The following SPART variants were observed in gnomAD, a reference collection of about 807,000 sequenced individuals.
SPART encodes spastic paraplegia 20 (Troyer syndrome).
In SPART, 35 loss-of-function variants were observed where a neutral mutation model predicts 58.7. The ratio of observed to expected loss-of-function variants is 0.60; its 90% CI spans 0.46 to 0.79. SPART has a LOEUF of 0.79. Ranked by LOEUF, SPART falls within the 30% of genes least tolerant of loss-of-function variation. The probability of loss-of-function intolerance (pLI) is 0.00; values close to 1 mark genes in which losing one functional copy is unlikely to be tolerated. For missense variants in SPART, 730 were observed against 786.1 expected (o/e 0.93, Z 0.85); for synonymous variants, 284 against 280.7 (o/e 1.01, Z -0.12).
chr13:36,365,649 T>C (rs1334317598), intron 1 of SPART: 12 of 461,122 alleles, frequency 2.6e-5, no homozygotes, highest in South Asian at 1.6e-4. Context: ...TTTTTTGACT[T>C]TGTAAGGGTG....
intron 2 of SPART, among the ~76,000 whole-genome samples, chr13:36,334,734 A>G (rs1883790886): frequency 6.6e-6 from 1 of 152,114 alleles, no homozygotes; most frequent in Non-Finnish European, 1.5e-5. Flanking sequence ...AACTTATTAG[A>G]TTTCTTCTTC....
In SPART at chr13:36,335,279, A is replaced by G. The variant is rs770465973; in HGVS notation, c.552T>C (p.Thr184=). ...CCCCAGAATCTGTTCCATAGGATACAGTGTAGTGACCTTCAGCAGCTTGAG... is the reference window on the plus strand; with the variant it reads ...CCCCAGAATCTGTTCCATAGGATACGGTGTAGTGACCTTCAGCAGCTTGAG... ...YTPQAAEGHY[T]VSYGTDSGEF... Residue 184 remains threonine, a synonymous_variant, in exon 2 of 9, where the codon ACT becomes ACC. Coordinates refer to ENST00000438666, the MANE Select transcript of SPART (RefSeq NM_015087.5). The G allele has an allele frequency of 4.3e-6, 7 of 1,614,060 alleles. No individual in the cohort carries two copies. In the African/African-American group the frequency reaches 8.0e-5, roughly 18 times the overall value.
intron 1 of SPART, among the ~76,000 whole-genome samples, chr13:36,364,815 C>A (rs1885994448): frequency 6.6e-6 from 1 of 152,148 alleles, no homozygotes; most frequent in Non-Finnish European, 1.5e-5. Context: ...CAAGGTCCTC[C>A]TGCCACAGGG....
intron 2 of SPART, among the ~76,000 whole-genome samples, chr13:36,334,053 G>C (rs751011406): frequency 9.2e-5 from 14 of 152,174 alleles, no homozygotes; most frequent in Non-Finnish European, 2.1e-4. Context: ...AATGAATAGA[G>C]ATAAGCTGTG....
At chr13:36,338,147 T>C (rs1884203167) in intron 1 of SPART, among the ~76,000 whole-genome samples, 1 of 152,154 alleles carries the variant, frequency 6.6e-6, no homozygotes, top group African/African-American at 2.4e-5. Context: ...TTGCAACTTA[T>C]CTCCCTTGGA....
At chr13:36,311,666 G>T (rs757880748) in intron 8 of SPART, among the ~76,000 whole-genome samples, 38 of 152,076 alleles carry the variant, frequency 2.5e-4, no homozygotes, top group South Asian at 1.0e-3. Context: ...AAAGTGACAA[G>T]AATTCTGTTA....
chr13:36,318,958 C>G (rs919353820), intron 5 of SPART, among the ~76,000 whole-genome samples: 1 of 152,172 alleles, frequency 6.6e-6, no homozygotes, highest in East Asian at 1.9e-4. Context: ...TAGACCATCA[C>G]GGACGCTGAG....
intron 5 of SPART, among the ~76,000 whole-genome samples, chr13:36,325,495 G>A (rs893777296): frequency 3.3e-5 from 5 of 152,110 alleles, no homozygotes; most frequent in African/African-American, 1.2e-4. Flanking sequence ...GATTTTAGTG[G>A]ACATGGAAAT....
At chr13:36,363,909 A>G (rs1343937647) in intron 1 of SPART, among the ~76,000 whole-genome samples, 2 of 152,192 alleles carry the variant, frequency 1.3e-5, no homozygotes, top group Non-Finnish European at 2.9e-5. Context: ...TACATTATGA[A>G]AATCAGGAAA....
At chr13:36,339,392 T>C (rs971824893) in intron 1 of SPART, among the ~76,000 whole-genome samples, 11 of 151,800 alleles carry the variant, frequency 7.2e-5, no homozygotes, top group Non-Finnish European at 1.3e-4. Context: ...TCTAGAAATA[T>C]GTGAGGCTGA....
At chr13:36,321,730 G>C (rs1358407952) in intron 5 of SPART, among the ~76,000 whole-genome samples, 1 of 152,062 alleles carries the variant, frequency 6.6e-6, no homozygotes, top group Non-Finnish European at 1.5e-5. Context: ...ATTAATATAA[G>C]AAGTCAGGAA....
At position 36,346,009 on chromosome 13, in the gene SPART, G is replaced by C. The variant is rs951378676; in HGVS notation, c.-3+216C>G. On this transcript the variant is annotated intron_variant, in intron 1 of 8. Transcript: ENST00000438666. The stretch of plus-strand genomic sequence containing the variant: ...TTCCCTAAATACCACACTCCCGCGA[G>C]AGAAGGGACTGAGAACAACTTCTCA... Among the ~76,000 whole-genome samples the C allele has an allele frequency of 6.6e-5, 10 of 152,202 alleles. No homozygotes were observed. The East Asian group carries it at 1.4e-3, about 21-fold the overall frequency.
At chr13:36,333,010 T>C (rs1029895509) in intron 2 of SPART, among the ~76,000 whole-genome samples, 1 of 151,848 alleles carries the variant, frequency 6.6e-6, no homozygotes, top group African/African-American at 2.4e-5. Context: ...GAAAGGTTTT[T>C]CTTTTTTTTT....
intron 1 of SPART, among the ~76,000 whole-genome samples, chr13:36,343,290 A>C (rs905149176): frequency 2.6e-5 from 4 of 152,200 alleles, no homozygotes; most frequent in Admixed American, 6.5e-5. Flanking sequence ...AAAAGCTTTC[A>C]AGCATAAAAA....
At chr13:36,352,058 C>T (rs1024802334) in intron 1 of SPART, among the ~76,000 whole-genome samples, 1 of 152,140 alleles carries the variant, frequency 6.6e-6, no homozygotes, top group African/African-American at 2.4e-5. Context: ...TCGATGTAAA[C>T]TAAAACTCCT....
At chr13:36,317,771 A>G (rs187049390) in intron 5 of SPART, among the ~76,000 whole-genome samples, 3 of 151,846 alleles carry the variant, frequency 2.0e-5, no homozygotes, top group African/African-American at 7.3e-5. Context: ...AACCTCTTCA[A>G]CTCACACCTT....
intron 1 of SPART, among the ~76,000 whole-genome samples, chr13:36,344,168 G>A (rs1249094150): frequency 6.6e-6 from 1 of 152,142 alleles, no homozygotes; most frequent in African/African-American, 2.4e-5. Context: ...AGAAAACCCA[G>A]AGTGTCCCGT....
chr13:36,302,995 C>A lies in SPART; in HGVS notation c.*1370G>T, dbSNP rs1265301842. On this transcript the variant is annotated 3_prime_UTR_variant, in exon 9 of 9. Coordinates refer to ENST00000438666, the MANE Select transcript of SPART (RefSeq NM_015087.5). Reference sequence around the variant, plus strand: ...GAATATATGAAGTGCCATTCCATTTCTTAAACAAAGCATAGACTGTCTGTA... The same window carrying A: ...GAATATATGAAGTGCCATTCCATTTATTAAACAAAGCATAGACTGTCTGTA... 1 of 152,158 alleles carries A rather than the reference C, an allele frequency of 6.6e-6. No individual in the cohort carries two copies. Among genetic ancestry groups the A allele is most frequent in the Non-Finnish European group, 1.5e-5 (1 of 68,000 alleles). The allele number at this position is 152,158 out of a possible 1,614,324, so 9.4% of individuals were successfully genotyped here. A position where few individuals can be genotyped will look rare whatever the true frequency, so the allele number is the denominator to read the frequency against.
At chr13:36,316,066 T>C (rs1031809861) in intron 5 of SPART, among the ~76,000 whole-genome samples, 1 of 152,248 alleles carries the variant, frequency 6.6e-6, no homozygotes, top group Non-Finnish European at 1.5e-5. Flanking sequence ...TTAAATGGCA[T>C]GTACAATGCC....
Sources: gnomAD v4.1 joint callset for allele counts (sites outside exome capture counted in the v4.1 genomes callset) on GRCh38, gnomAD v4.1.1 for gene constraint, MANE v1.5 for transcripts, NCBI Gene and HGNC (gene_info 2026-07-23, HGNC 2026-07-21) for gene names.